The following CDH18 variants were observed in gnomAD, a reference collection of about 807,000 sequenced individuals.
CDH18 encodes cadherin 18.
In CDH18, 31 loss-of-function variants were observed where a neutral mutation model predicts 67.9. The ratio of observed to expected loss-of-function variants is 0.46; its 90% CI spans 0.34 to 0.62. The LOEUF is 0.62. Ranked by LOEUF, CDH18 falls within the 20% of genes least tolerant of loss-of-function variation. CDH18 has a pLI of 0.01. For synonymous variants in CDH18, 362 were observed against 347.2 expected, an observed-to-expected ratio of 1.04 and a Z score of -0.48; for missense variants, 890 against 975.5, an observed-to-expected ratio of 0.91 and a Z score of 1.17.
At chr5:19,697,286 C>T (rs948650172) in intron 5 of CDH18, among the ~76,000 whole-genome samples, 3 of 152,082 alleles carry the variant, frequency 2.0e-5, no homozygotes, top group Non-Finnish European at 4.4e-5. Flanking sequence ...GTCATACGGG[C>T]TATTTGGAAT....
chr5:20,246,583 C>T (rs1743393840), intron 2 of CDH18, among the ~76,000 whole-genome samples: 1 of 122,630 alleles, frequency 8.2e-6, no homozygotes, highest in South Asian at 2.7e-4. Flanking sequence ...AGTAAAAATG[C>T]AAGCAAGATG....
Position 20,426,677 on chromosome 5 carries a change from C to T in CDH18, c.-580+148785G>A, listed in dbSNP as rs113235106. Among the ~76,000 whole-genome samples the T allele has an allele frequency of 4.8e-4, 72 of 151,172 alleles. 4 individuals are homozygous for T. The highest frequency in any genetic ancestry group is 1.6e-3 in the African/African-American group (63 of 40,536). Reference sequence around the variant, plus strand: ...ACATTCATAGGAAATCTACCAACTGCTGTACATGATTGCTTCAACTCCCAG... The same window carrying T: ...ACATTCATAGGAAATCTACCAACTGTTGTACATGATTGCTTCAACTCCCAG... On this transcript the variant is annotated intron_variant, in intron 1 of 14. Transcript: ENST00000507958.
chr5:19,671,507 C>T (rs769409949), intron 5 of CDH18, among the ~76,000 whole-genome samples: 14 of 152,018 alleles, frequency 9.2e-5, no homozygotes, highest in Admixed American at 6.6e-4. Context: ...TATCTGACTC[C>T]TCTGTGGTTC....
chr5:20,171,580 TA>T (rs1736714974), intron 2 of CDH18, among the ~76,000 whole-genome samples: 2 of 152,102 alleles, frequency 1.3e-5, no homozygotes, highest in African/African-American at 4.8e-5. Context: ...TTTTTTCTTG[TA>T]AATTTGTTTA....
intron 1 of CDH18, among the ~76,000 whole-genome samples, chr5:20,454,853 A>G (rs1033091759): frequency 3.3e-5 from 5 of 152,096 alleles, no homozygotes; most frequent in African/African-American, 1.2e-4. Context: ...CACTGCCGTT[A>G]TAGCAAGCAG....
intron 6 of CDH18, among the ~76,000 whole-genome samples, chr5:19,606,880 G>T (rs923439155): frequency 1.3e-5 from 2 of 151,564 alleles, no homozygotes; most frequent in African/African-American, 4.8e-5. Context: ...TGCATTGTAG[G>T]TTAAATTTTT....
intron 11 of CDH18, among the ~76,000 whole-genome samples, chr5:19,495,447 CAAT>C (rs970562770): frequency 6.6e-6 from 1 of 151,842 alleles, no homozygotes; most frequent in Non-Finnish European, 1.5e-5. Context: ...CTTAAAATAT[CAAT>C]AAAATCTCAG....
chr5:20,414,675 A>C (rs2150149124), intron 1 of CDH18, among the ~76,000 whole-genome samples: 1 of 152,322 alleles, frequency 6.6e-6, no homozygotes, highest in East Asian at 1.9e-4. Flanking sequence ...AAAATATATG[A>C]ATTTTTTTAA....
chr5:19,633,204 T>A (rs1464710825), intron 5 of CDH18, among the ~76,000 whole-genome samples: 2 of 152,218 alleles, frequency 1.3e-5, no homozygotes. Context: ...CGGAATTTAA[T>A]AATGATACAG....
intron 9 of CDH18, among the ~76,000 whole-genome samples, chr5:19,534,729 G>C (rs1024414952): frequency 6.6e-6 from 1 of 151,984 alleles, no homozygotes; most frequent in Non-Finnish European, 1.5e-5. Context: ...TCATATCCTT[G>C]TATAATGGCT....
At chr5:19,491,503 C>T (rs780935585) in intron 11 of CDH18, among the ~76,000 whole-genome samples, 36 of 152,160 alleles carry the variant, frequency 2.4e-4, no homozygotes, top group Non-Finnish European at 4.1e-4. Context: ...ACAAGATAAA[C>T]ATTTAAAAAT....
At chr5:20,181,976 G>A (rs1737718399) in intron 2 of CDH18, among the ~76,000 whole-genome samples, 1 of 152,028 alleles carries the variant, frequency 6.6e-6, no homozygotes, top group Non-Finnish European at 1.5e-5. Flanking sequence ...GGATCCCTAA[G>A]TATGGCAACA....
intron 2 of CDH18, among the ~76,000 whole-genome samples, chr5:20,082,073 C>G (rs1580196168): frequency 1.3e-5 from 2 of 151,812 alleles, no homozygotes; most frequent in African/African-American, 4.8e-5. Context: ...ACACTGTGTG[C>G]ATATACACAC....
chr5:19,498,402 A>G (rs990120034), intron 11 of CDH18, among the ~76,000 whole-genome samples: 1 of 152,166 alleles, frequency 6.6e-6, no homozygotes, highest in Admixed American at 6.5e-5. Context: ...AGATCTGAAG[A>G]AGTCCTGGTA....
intron 2 of CDH18, among the ~76,000 whole-genome samples, chr5:19,879,257 G>A (rs1209394682): frequency 6.6e-6 from 1 of 151,898 alleles, no homozygotes; most frequent in Non-Finnish European, 1.5e-5. Context: ...TTGAAAGGTT[G>A]TGTCAATTCT....
intron 6 of CDH18, among the ~76,000 whole-genome samples, chr5:19,609,285 T>C (rs1196076589): frequency 6.6e-6 from 1 of 151,914 alleles, no homozygotes; most frequent in East Asian, 1.9e-4. Flanking sequence ...AGTCCTTTTG[T>C]TTTGCTTTGT....
chr5:20,054,700 C>T (rs1741749418), intron 2 of CDH18, among the ~76,000 whole-genome samples: 1 of 152,194 alleles, frequency 6.6e-6, no homozygotes. Flanking sequence ...TGTGGATCTT[C>T]TCAGGTATAA....
At chr5:20,333,896 AG>A (rs1739435565) in intron 1 of CDH18, among the ~76,000 whole-genome samples, 1 of 87,614 alleles carries the variant, frequency 1.1e-5, no homozygotes, top group Non-Finnish European at 3.2e-5. Flanking sequence ...AGGGCTAAAA[AG>A]ACATAAGTTA....
chr5:20,479,375 C>T (rs1752641007), intron 1 of CDH18, among the ~76,000 whole-genome samples: 1 of 152,000 alleles, frequency 6.6e-6, no homozygotes, highest in African/African-American at 2.4e-5. Flanking sequence ...TTCAGGATAG[C>T]ACAGAAACAA....
Sources: gnomAD v4.1 joint callset for allele counts (sites outside exome capture counted in the v4.1 genomes callset) on GRCh38, gnomAD v4.1.1 for gene constraint, MANE v1.5 for transcripts, NCBI Gene and HGNC (gene_info 2026-07-23, HGNC 2026-07-21) for gene names.